TRAPPC9: variants seen among roughly 807,000 people sequenced by gnomAD.
TRAPPC9 encodes the protein trafficking protein particle complex subunit 9.
In TRAPPC9, 83 loss-of-function variants were observed where a neutral mutation model predicts 124.0. The ratio of observed to expected loss-of-function variants is 0.67; its 90% CI spans 0.56 to 0.80. The LOEUF (loss-of-function observed/expected upper bound fraction) is 0.80. Among genes scored for constraint, TRAPPC9 ranks in the 30% least tolerant of loss-of-function variants. The pLI is 0.00. For synonymous variants in TRAPPC9, 638 were observed against 617.5 expected, an observed-to-expected ratio of 1.03 and a Z score of -0.49; for missense variants, 1,302 against 1,508.3, an observed-to-expected ratio of 0.86 and a Z score of 2.27.
intron 16 of TRAPPC9, among the ~76,000 whole-genome samples, chr8:140,251,641 C>T (rs979895960): frequency 6.6e-6 from 1 of 152,192 alleles, no homozygotes; most frequent in Non-Finnish European, 1.5e-5. Context: ...CTACTGAAGG[C>T]CTATCCCCCA....
Position 140,439,209 on chromosome 8 carries a change from A to T in TRAPPC9, c.585-12T>A. On this transcript the variant is annotated splice_polypyrimidine_tract_variant and intron_variant, in intron 2 of 22. Transcript: ENST00000438773. The stretch of plus-strand genomic sequence containing the variant: ...GCTTCTTGTAATGTCTAGAAAATAC[A>T]TGAAAATGTATCTTTATTACTATAC... 6.2e-7 allele frequency: 1 copy of T among 1,613,910 alleles called. No homozygotes were observed. The highest frequency in any genetic ancestry group is 8.5e-7 in the Non-Finnish European group (1 of 1,179,930).
intron 21 of TRAPPC9, among the ~76,000 whole-genome samples, chr8:139,777,630 T>C (rs1821483974): frequency 1.3e-5 from 2 of 152,214 alleles, no homozygotes; most frequent in African/African-American, 4.8e-5. Flanking sequence ...CAAAATCTTA[T>C]CAAAACATTC....
chr8:140,122,637 A>G (rs1401750050), intron 17 of TRAPPC9, among the ~76,000 whole-genome samples: 1 of 152,236 alleles, frequency 6.6e-6, no homozygotes, highest in Non-Finnish European at 1.5e-5. Flanking sequence ...TTTTAAGTGT[A>G]TATCTAAGTC....
At chr8:139,766,814 T>C (rs1217181292) in intron 21 of TRAPPC9, among the ~76,000 whole-genome samples, 1 of 152,256 alleles carries the variant, frequency 6.6e-6, no homozygotes, top group African/African-American at 2.4e-5. Context: ...GAACACTTTC[T>C]TCAAGGCCCA....
chr8:139,989,273 G>C (rs894590120), intron 18 of TRAPPC9, among the ~76,000 whole-genome samples: 1 of 151,962 alleles, frequency 6.6e-6, no homozygotes. Context: ...CAGGTTCCAC[G>C]CTGGGCCCTG....
chr8:139,926,052 A>G (rs1047205884), intron 19 of TRAPPC9, among the ~76,000 whole-genome samples: 10 of 152,232 alleles, frequency 6.6e-5, no homozygotes, highest in African/African-American at 2.4e-4. Flanking sequence ...TCATCCAGTG[A>G]CGTCACGTGG....
chr8:140,001,368 C>G (rs1437960786), intron 18 of TRAPPC9, among the ~76,000 whole-genome samples: 1 of 148,498 alleles, frequency 6.7e-6, no homozygotes, highest in Non-Finnish European at 1.5e-5. Context: ...TGCACATGTA[C>G]TCTAGAACTT....
chr8:140,290,333 AC>A (rs2065614329), intron 12 of TRAPPC9, among the ~76,000 whole-genome samples: 1 of 152,224 alleles, frequency 6.6e-6, no homozygotes, highest in Non-Finnish European at 1.5e-5. Flanking sequence ...GCAGCACCAC[AC>A]AGCAATGCAG....
At chr8:140,186,504 TGAACCCG>T (rs1486156894) in intron 17 of TRAPPC9, among the ~76,000 whole-genome samples, 2 of 151,990 alleles carry the variant, frequency 1.3e-5, no homozygotes, top group Admixed American at 1.3e-4. Context: ...TAGAATTGCT[TGAACCCG>T]GGAGGCAGAG....
intron 21 of TRAPPC9, among the ~76,000 whole-genome samples, chr8:139,741,361 T>C (rs1031564716): frequency 1.3e-5 from 2 of 152,156 alleles, no homozygotes; most frequent in Non-Finnish European, 2.9e-5. Flanking sequence ...GGCTGACCCT[T>C]GTTCCATTTG....
At chr8:139,965,508 T>G (rs1011424324) in intron 19 of TRAPPC9, among the ~76,000 whole-genome samples, 1 of 152,198 alleles carries the variant, frequency 6.6e-6, no homozygotes, top group Non-Finnish European at 1.5e-5. Flanking sequence ...AGGATCTCAT[T>G]GAGCCGAAAA....
At chr8:139,850,497 C>T (rs1301063030) in intron 21 of TRAPPC9, among the ~76,000 whole-genome samples, 3 of 152,230 alleles carry the variant, frequency 2.0e-5, no homozygotes, top group Non-Finnish European at 4.4e-5. Flanking sequence ...TGTGACAACA[C>T]TGTAATCAGA....
intron 19 of TRAPPC9, among the ~76,000 whole-genome samples, chr8:139,968,054 T>C (rs1373134323): frequency 6.6e-6 from 1 of 151,744 alleles, no homozygotes; most frequent in East Asian, 1.9e-4. Context: ...GGCAGGGGAA[T>C]TGCTTGAACC....
At chr8:139,859,605 C>T (rs985039866) in intron 21 of TRAPPC9, among the ~76,000 whole-genome samples, 3 of 152,174 alleles carry the variant, frequency 2.0e-5, no homozygotes, top group African/African-American at 4.8e-5. Flanking sequence ...ACTCAGCCTA[C>T]ACACACAGAA....
chr8:139,926,303 T>C (rs1359486083), intron 19 of TRAPPC9, among the ~76,000 whole-genome samples: 1 of 152,066 alleles, frequency 6.6e-6, no homozygotes, highest in Non-Finnish European at 1.5e-5. Flanking sequence ...ATCATCACTA[T>C]TCTCCAGAGG....
chr8:139,830,970 T>C (rs1430126292), intron 21 of TRAPPC9, among the ~76,000 whole-genome samples: 1 of 152,226 alleles, frequency 6.6e-6, no homozygotes, highest in Non-Finnish European at 1.5e-5. Context: ...CTGACTGACA[T>C]TTACCCTGCA....
chr8:140,311,420 C>G (rs760517646), intron 9 of TRAPPC9, 46 bp from the exon 10 acceptor site: 7 of 1,606,238 alleles, frequency 4.4e-6, no homozygotes, highest in Non-Finnish European at 5.9e-6. Flanking sequence ...AGGCAAAAGT[C>G]AAAGTGGCTG....
chr8:140,367,143 A>G (rs1419865908), intron 8 of TRAPPC9, among the ~76,000 whole-genome samples: 3 of 152,238 alleles, frequency 2.0e-5, no homozygotes, highest in Non-Finnish European at 4.4e-5. Context: ...TGGTTCAGCC[A>G]CTGTGGAAGA....
At chr8:139,738,452 T>C (rs1242352660) in intron 21 of TRAPPC9, among the ~76,000 whole-genome samples, 2 of 152,192 alleles carry the variant, frequency 1.3e-5, no homozygotes, top group African/African-American at 4.8e-5. Context: ...GAGAAGACCC[T>C]GGGCCATCGG....
Sources: gnomAD v4.1 joint callset for allele counts (sites outside exome capture counted in the v4.1 genomes callset) on GRCh38, gnomAD v4.1.1 for gene constraint, MANE v1.5 for transcripts, NCBI Gene and HGNC (gene_info 2026-07-23, HGNC 2026-07-21) for gene names.